The following PHACTR3 variants were observed in gnomAD, a reference collection of about 807,000 sequenced individuals.
PHACTR3 encodes protein phosphatase 1, regulatory subunit 123.
In PHACTR3, 16 loss-of-function variants were observed where a neutral mutation model predicts 66.8. The ratio of observed to expected loss-of-function variants is 0.24; its 90% CI spans 0.16 to 0.36. The LOEUF is 0.36. PHACTR3 is among the 10% of genes least tolerant of loss of function. PHACTR3 has a pLI of 1.00. For synonymous variants in PHACTR3, 323 were observed against 292.1 expected (o/e 1.11, Z -1.08); for missense variants, 647 against 719.9 (o/e 0.90, Z 1.16).
chr20:59,845,934 G>A (rs1315968570), intron 12 of PHACTR3, among the ~76,000 whole-genome samples: 1 of 152,104 alleles, frequency 6.6e-6, no homozygotes, highest in East Asian at 1.9e-4. Flanking sequence ...TGACGAAGTT[G>A]GGAAAAGATT....
intron 7 of PHACTR3, among the ~76,000 whole-genome samples, chr20:59,802,620 C>T (rs149377757): frequency 2.0e-4 from 31 of 152,218 alleles, no homozygotes; most frequent in African/African-American, 5.1e-4. Context: ...GTGCAGGGAG[C>T]GTGGAAGGCA....
chr20:59,703,493 T>C (rs558356196), intron 1 of PHACTR3, among the ~76,000 whole-genome samples: 1 of 152,272 alleles, frequency 6.6e-6, no homozygotes, highest in South Asian at 2.1e-4. Flanking sequence ...AGTGAGATCG[T>C]TGTGTAATTT....
intron 7 of PHACTR3, among the ~76,000 whole-genome samples, chr20:59,786,535 T>C (rs1003793182): frequency 2.1e-4 from 32 of 152,144 alleles, no homozygotes; most frequent in Non-Finnish European, 3.5e-4. Context: ...ATCCTGAAAC[T>C]TCAACAGGTC....
rs572488864 is a variant in PHACTR3 at position 59,665,111 on chromosome 20, T to C, written c.118+59979T>C. On this transcript the variant is annotated intron_variant, in intron 1 of 12. Coordinates refer to ENST00000371015, the MANE Select transcript of PHACTR3 (RefSeq NM_080672.5). ...TTTTCAAAACTACAGGCATAAGCAG[T>C]CTTTCAGTAGAATACCCACTGTAGA... 3.3e-5 allele frequency among the ~76,000 whole-genome samples: 5 copies of C among 152,366 alleles called. No individual in the cohort carries two copies. In the South Asian group the frequency reaches 6.2e-4, roughly 19 times the overall value.
intron 1 of PHACTR3, among the ~76,000 whole-genome samples, chr20:59,723,086 CTT>C (rs1159995497): frequency 7.1e-6 from 1 of 141,662 alleles, no homozygotes; most frequent in Non-Finnish European, 1.5e-5. Context: ...TTCTTTCTTT[CTT>C]TCTTTCTTTC....
In PHACTR3 at chr20:59,693,482, G is replaced by A. The variant is rs577870056; in HGVS notation, c.119-49625G>A. ...GCTCTCACTGAGCTCTGAATATGAT[G>A]TTTCCATTCCCCCATCTATCAGAGA... On this transcript the variant is annotated intron_variant, in intron 1 of 12. Transcript: ENST00000371015. 4.6e-5 allele frequency among the ~76,000 whole-genome samples: 7 copies of A among 152,270 alleles called. No homozygotes were observed. In the South Asian group the frequency reaches 6.2e-4, roughly 14 times the overall value.
intron 1 of PHACTR3, among the ~76,000 whole-genome samples, chr20:59,623,666 T>C (rs2034343643): frequency 6.6e-6 from 1 of 152,114 alleles, no homozygotes; most frequent in Non-Finnish European, 1.5e-5. Flanking sequence ...TACGTGGGAA[T>C]GGACCAGATG....
At chr20:59,825,572 TAATC>T (rs1158648618) in intron 8 of PHACTR3, among the ~76,000 whole-genome samples, 1 of 152,100 alleles carries the variant, frequency 6.6e-6, no homozygotes, top group African/African-American at 2.4e-5. Context: ...AAAACATAAA[TAATC>T]AATTCTGGCC....
At chr20:59,653,547 G>A (rs977411519) in intron 1 of PHACTR3, among the ~76,000 whole-genome samples, 2 of 152,022 alleles carry the variant, frequency 1.3e-5, no homozygotes, top group African/African-American at 4.8e-5. Flanking sequence ...TCCATAGTGG[G>A]GTGGAATTTA....
At chr20:59,608,151 C>T (rs1441965672) in intron 1 of PHACTR3, among the ~76,000 whole-genome samples, 1 of 152,182 alleles carries the variant, frequency 6.6e-6, no homozygotes, top group East Asian at 1.9e-4. Context: ...CAAATGGTTT[C>T]TTGTTGTGTT....
rs200558786 is a variant in PHACTR3 at position 59,841,543 on chromosome 20, A to C, written c.1587+8A>C. Reference sequence around the variant, plus strand: ...CTGTCAGCAGCAGATAAGGTACCTAACTGCCTGTGCTGGTGGGGGGTGTTG... The same window carrying C: ...CTGTCAGCAGCAGATAAGGTACCTACCTGCCTGTGCTGGTGGGGGGTGTTG... On this transcript the variant is annotated splice_region_variant and intron_variant, in intron 11 of 12. Transcript: ENST00000371015. The C allele has an allele frequency of 2.3e-3, 3,721 of 1,610,592 alleles. 8 individuals carry two copies. The highest frequency in any genetic ancestry group is 4.1e-3 in the Middle Eastern group (25 of 6,034).
At chr20:59,756,694 T>G (rs1054112810) in intron 4 of PHACTR3, among the ~76,000 whole-genome samples, 1 of 151,942 alleles carries the variant, frequency 6.6e-6, no homozygotes, top group African/African-American at 2.4e-5. Flanking sequence ...TTTTAATACT[T>G]TAAGTTCTAG....
At chr20:59,674,805 A>ACCTTCTCCTGTTGCC (rs151075471) in intron 1 of PHACTR3, among the ~76,000 whole-genome samples, 8 of 14,576 alleles carry the variant, frequency 5.5e-4, no homozygotes, top group African/African-American at 2.2e-3. Context: ...TCCTCTTCCC[A>ACCTTCTCCTGTTGCC]CCTTCTCCTG....
chr20:59,839,474 C>A (rs1035589968), intron 9 of PHACTR3, among the ~76,000 whole-genome samples: 2 of 152,166 alleles, frequency 1.3e-5, no homozygotes, highest in African/African-American at 2.4e-5. Context: ...CCAAAACCTA[C>A]CAGTGTTTCT....
intron 8 of PHACTR3, among the ~76,000 whole-genome samples, chr20:59,810,771 A>T (rs1259023515): frequency 6.6e-6 from 1 of 152,154 alleles, no homozygotes; most frequent in Non-Finnish European, 1.5e-5. Flanking sequence ...CATTTGAAAG[A>T]GTGAAGCTCT....
At chr20:59,817,394 C>T (rs1230004648) in intron 8 of PHACTR3, among the ~76,000 whole-genome samples, 1 of 152,240 alleles carries the variant, frequency 6.6e-6, no homozygotes, top group African/African-American at 2.4e-5. Context: ...CTCCAGAAGC[C>T]TCCACTTCAC....
At chr20:59,768,355 T>C (rs1601309998) in intron 5 of PHACTR3, among the ~76,000 whole-genome samples, 2 of 152,324 alleles carry the variant, frequency 1.3e-5, no homozygotes, top group South Asian at 4.1e-4. Context: ...TTTGTTACAA[T>C]CACCTAACCA....
chr20:59,628,615 A>G (rs1313293553), intron 1 of PHACTR3: 1 of 985,200 alleles, frequency 1.0e-6, no homozygotes, highest in East Asian at 1.1e-4. Flanking sequence ...TCACAAAAAC[A>G]CAAAGAAACA....
At chr20:59,683,613 C>A (rs1241708138) in intron 1 of PHACTR3, among the ~76,000 whole-genome samples, 1 of 151,542 alleles carries the variant, frequency 6.6e-6, no homozygotes. Context: ...AACAAAACAA[C>A]ATTTAGTTCA....
Sources: allele counts gnomAD v4.1 joint callset (sites outside exome capture counted in the v4.1 genomes callset), GRCh38; gene constraint gnomAD v4.1.1; transcripts MANE v1.5; gene names NCBI Gene and HGNC (gene_info 2026-07-23, HGNC 2026-07-21).